The following ABCA4 variants were observed in gnomAD, a reference collection of about 807,000 sequenced individuals.
ABCA4 encodes the protein ATP binding cassette subfamily A member 4.
ABCA4 carries 196 observed loss-of-function variants against 263.7 expected under a neutral mutation model. The ratio of observed to expected loss-of-function variants is 0.74; its 90% CI spans 0.66 to 0.84. The LOEUF is 0.84. ABCA4 is among the 40% of genes least tolerant of loss of function. The pLI is 0.00. For missense variants in ABCA4, 2,792 were observed against 2,855.1 expected (o/e 0.98, Z 0.50); for synonymous variants, 1,133 against 1,094.2 (o/e 1.04, Z -0.70).
intron 40 of ABCA4, chr1:94,010,569 A>G: frequency 1.5e-6 from 1 of 662,312 alleles, no homozygotes; most frequent in Non-Finnish European, 2.7e-6. Context: ...AGCAATTGAA[A>G]TTAATAGCAC....
chr1:94,117,358 T>C (rs970511088), intron 1 of ABCA4, among the ~76,000 whole-genome samples: 6 of 152,022 alleles, frequency 3.9e-5, no homozygotes, highest in African/African-American at 1.4e-4. Flanking sequence ...AGCCTCTCTT[T>C]ACTTGCCACA....
intron 4 of ABCA4, among the ~76,000 whole-genome samples, chr1:94,105,587 G>T (rs899371927): frequency 1.4e-5 from 2 of 146,306 alleles, no homozygotes; most frequent in African/African-American, 5.0e-5. Flanking sequence ...GGTTCTTCTT[G>T]TTCCCTTCCC....
chr1:94,088,109 C>A (rs770570183), intron 6 of ABCA4, among the ~76,000 whole-genome samples: 23 of 152,214 alleles, frequency 1.5e-4, no homozygotes, highest in Non-Finnish European at 2.6e-4. Context: ...CTACCCTCAC[C>A]ATCCTACTAA....
At chr1:94,056,114 ATTTCTGCACTTC>A in intron 15 of ABCA4, among the ~76,000 whole-genome samples, 1 of 152,360 alleles carries the variant, frequency 6.6e-6, no homozygotes, top group Middle Eastern at 3.4e-3. Context: ...GGACAGTCTC[ATTTCTGCACTTC>A]TTTCTGCAAA....
At position 94,108,662 on chromosome 1, in the gene ABCA4, G is replaced by T. The variant is rs1662507066; in HGVS notation, c.357C>A (p.Ser119Arg). The T allele has an allele frequency of 6.2e-7, 1 of 1,613,922 alleles. No homozygotes were observed. Among genetic ancestry groups the T allele is most frequent in the Admixed American group, 1.7e-5 (1 of 60,008 alleles). ...FQELLMNAPE[S>R]QHLGRIWTEL... ...CTGTCCAAATACGGCCAAGGTGCTG[G>T]CTCTCTGGTGCATTCATGAGGAGTT... Residue 119 changes from serine (S) to arginine (R), a missense_variant, in exon 4 of 50, where the codon AGC (serine) becomes AGA (arginine). Transcript: ENST00000370225.
rs1315348394 is a variant in ABCA4, at chr1:94,096,032, A to G, written c.768+2762T>C. On this transcript the variant is annotated intron_variant, in intron 6 of 49. Coordinates refer to ENST00000370225, the MANE Select transcript of ABCA4 (RefSeq NM_000350.3). ...AGAACAGGAGAGAGAAAGCATCTCCACACCACGGTGGTCTCATGGGTGATC... is the reference window on the plus strand; with the variant it reads ...AGAACAGGAGAGAGAAAGCATCTCCGCACCACGGTGGTCTCATGGGTGATC... Among the ~76,000 whole-genome samples the G allele has an allele frequency of 2.0e-5, 3 of 152,326 alleles. No individual in the cohort carries two copies. The East Asian group carries it at 5.8e-4, about 29-fold the overall frequency.
chr1:94,108,754 T>C (rs566186367), intron 3 of ABCA4, 38 bp from the exon 4 acceptor site: 2 of 1,611,328 alleles, frequency 1.2e-6, no homozygotes, highest in East Asian at 2.2e-5. Flanking sequence ...GAAATAGCTG[T>C]TATTTTTATA....
chr1:94,057,298 G>A (rs1332721899), intron 14 of ABCA4, among the ~76,000 whole-genome samples: 1 of 152,202 alleles, frequency 6.6e-6, no homozygotes, highest in African/African-American at 2.4e-5. Context: ...ATTTTAATGT[G>A]CCTAAGTTTC....
In ABCA4 at chr1:94,039,190, C is replaced by G. The variant is rs191638857; in HGVS notation, c.3607+853G>C. On this transcript the variant is annotated intron_variant, in intron 24 of 49. Transcript: ENST00000370225. ...ATGTTTTCTGTTCATCACAGGGTCT[C>G]TCAGTGTAAAGAGAGGGCAGGTGCA... is the stretch of plus-strand genomic sequence containing the variant. Among the ~76,000 whole-genome samples, 9 of 152,304 alleles carry G rather than the reference C, an allele frequency of 5.9e-5. No homozygotes were observed. The East Asian group carries it at 1.5e-3, about 26-fold the overall frequency.
At chr1:94,032,090 C>T in intron 26 of ABCA4, 47 bp from the exon 27 acceptor site, 2 of 1,600,496 alleles carry the variant, frequency 1.2e-6, no homozygotes, top group Non-Finnish European at 1.7e-6. Context: ...CCTATAAGGT[C>T]TGGATCTCTA....
chr1:94,099,512 C>T (rs1359115401), intron 5 of ABCA4, among the ~76,000 whole-genome samples: 1 of 152,152 alleles, frequency 6.6e-6, no homozygotes, highest in Non-Finnish European at 1.5e-5. Flanking sequence ...CCCCATACCT[C>T]ATCTTATCAG....
chr1:94,100,999 G>A (rs191638882), intron 5 of ABCA4, among the ~76,000 whole-genome samples: 75 of 152,356 alleles, frequency 4.9e-4, no homozygotes, highest in African/African-American at 9.6e-5. Flanking sequence ...TGGCTGGAAC[G>A]TGCCTCTGCG....
At chr1:94,041,447 G>A (rs768647953) in intron 22 of ABCA4, 45 bp from the exon 23 acceptor site, 2 of 1,604,850 alleles carry the variant, frequency 1.2e-6, no homozygotes, top group East Asian at 2.2e-5. Flanking sequence ...GCCCTGGGTT[G>A]GGCATTGTTG....
chr1:94,010,251 C>A (rs113569452), intron 40 of ABCA4, among the ~76,000 whole-genome samples: 2 of 152,168 alleles, frequency 1.3e-5, no homozygotes, highest in South Asian at 4.1e-4. Flanking sequence ...GAAGAGCCTG[C>A]GGAAGAATGG....
Position 94,008,860 on chromosome 1 carries a change from G to A in ABCA4, c.5726C>T (p.Pro1909Leu). ...HFFLSQWIAE[P>L]TKEPIVDEDD... ...TTCATCAACAATGGGCTCCTTAGTG[G>A]GCTCGGCAATCCTAGATGAAGAAAA... Residue 1909 changes from proline to leucine, a missense_variant, in exon 41 of 50, where the codon CCC becomes CTC. Physicochemically the swap from Pro to Leu is moderately conservative, Grantham distance 98. Coordinates refer to ENST00000370225, the MANE Select transcript of ABCA4 (RefSeq NM_000350.3). 2 of 1,612,700 alleles carry A rather than the reference G, an allele frequency of 1.2e-6. No homozygotes were observed. Among genetic ancestry groups the A allele is most frequent in the Non-Finnish European group, 8.5e-7 (1 of 1,179,872 alleles).
rs527764266 is a variant in ABCA4, at chr1:94,035,451, G to C, written c.3862+1289C>G. 3.9e-5 allele frequency among the ~76,000 whole-genome samples: 6 copies of C among 152,280 alleles called. No homozygotes were observed. The East Asian group carries it at 1.2e-3, about 29-fold the overall frequency. On this transcript the variant is annotated intron_variant, in intron 26 of 49. Transcript: ENST00000370225. ...CTTTTGGTCACCATGCGATGTACTG[G>C]GATGGGCTGAAGCATATCTGGGCTG...
intron 1 of ABCA4, among the ~76,000 whole-genome samples, chr1:94,120,279 G>T (rs1039743446): frequency 1.7e-4 from 26 of 152,160 alleles, no homozygotes; most frequent in African/African-American, 6.0e-4. Flanking sequence ...GCCAGTCCAG[G>T]GTGGAATCTG....
At chr1:94,106,395 A>G (rs1662434602) in intron 4 of ABCA4, among the ~76,000 whole-genome samples, 1 of 152,154 alleles carries the variant, frequency 6.6e-6, no homozygotes, top group Non-Finnish European at 1.5e-5. Flanking sequence ...CTTAAGTGAA[A>G]TGTCTGCCTC....
chr1:94,045,950 T>C (rs1660660820), intron 19 of ABCA4: 1 of 456,068 alleles, frequency 2.2e-6, no homozygotes, highest in Non-Finnish European at 4.4e-6. Flanking sequence ...TGGAGGAGAG[T>C]GGGGCGCCTG....
Sources: gnomAD v4.1 joint callset for allele counts (sites outside exome capture counted in the v4.1 genomes callset) on GRCh38, gnomAD v4.1.1 for gene constraint, MANE v1.5 for transcripts, NCBI Gene and HGNC (gene_info 2026-07-23, HGNC 2026-07-21) for gene names.